The following LMF1 variants were observed in gnomAD, a reference collection of about 807,000 sequenced individuals.
The protein encoded by LMF1 is lipase maturation factor 1.
Under a neutral mutation model 60.6 loss-of-function variants are expected in LMF1, and 68 were observed. That is an observed-to-expected ratio of 1.12 (90% CI 0.92 to 1.37). The LOEUF (loss-of-function observed/expected upper bound fraction) is 1.37, where lower values mean the gene tolerates loss of function less well. Among genes scored for constraint, LMF1 ranks in the 40% most tolerant of loss-of-function variants. The pLI is 0.00. For synonymous variants in LMF1, 418 were observed against 324.7 expected, an observed-to-expected ratio of 1.29 and a Z score of -3.09; for missense variants, 948 against 767.2, an observed-to-expected ratio of 1.24 and a Z score of -2.78.
At chr16:935,816 G>A (rs1472144362) in intron 2 of LMF1, among the ~76,000 whole-genome samples, 4 of 152,174 alleles carry the variant, frequency 2.6e-5, no homozygotes, top group African/African-American at 9.7e-5. Context: ...TACATCGTCC[G>A]ACCTTTGAAT....
chr16:855,963 A>G (rs761503902), intron 10 of LMF1: 5 of 455,814 alleles, frequency 1.1e-5, no homozygotes, highest in South Asian at 7.7e-5. Context: ...TGGGTGTGTG[A>G]TGGATGATGA....
At chr16:896,201 G>A (rs1423202697) in intron 4 of LMF1, among the ~76,000 whole-genome samples, 9 of 107,848 alleles carry the variant, frequency 8.3e-5, no homozygotes, top group Admixed American at 7.6e-4. Flanking sequence ...CCACAGACAC[G>A]CCTTGGAGGG....
chr16:976,487 G>A (rs748615026), intron 1 of LMF1: 71 of 454,112 alleles, frequency 1.6e-4, no homozygotes, highest in Admixed American at 9.4e-5. Context: ...GGCCTCCCTC[G>A]ACGGAAGGTG....
chr16:929,348 G>A (rs1184388046), intron 3 of LMF1, among the ~76,000 whole-genome samples: 3 of 152,216 alleles, frequency 2.0e-5, no homozygotes, highest in East Asian at 1.9e-4. Context: ...CATGGGGGAC[G>A]GGGACCACGC....
rs533701168 is a variant in LMF1 at position 942,500 on chromosome 16, T to A, written c.504-8246A>T. 1.8e-4 allele frequency among the ~76,000 whole-genome samples: 28 copies of A among 152,242 alleles called. No homozygotes were observed. In the South Asian group the frequency reaches 5.8e-3, roughly 32 times the overall value. ...GTGTCCTCTCTCTGTGGGGCTCCAA[T>A]CACAAGTATGTTAGACCACCTGGTG... On this transcript the variant is annotated intron_variant, in intron 2 of 10. Transcript: ENST00000262301.
intron 3 of LMF1, 142 bp from the exon 4 acceptor site, chr16:911,221 T>C: frequency 1.0e-6 from 1 of 958,696 alleles, no homozygotes; most frequent in Non-Finnish European, 1.6e-6. Flanking sequence ...CCGCACGTAT[T>C]AGTCTCAACA....
chr16:978,021 TACAC>T (rs1474402583), intron 1 of LMF1, among the ~76,000 whole-genome samples: 8 of 89,220 alleles, frequency 9.0e-5, no homozygotes, highest in Middle Eastern at 0.013. Flanking sequence ...ACACACATCA[TACAC>T]ACGCACACCA....
intron 9 of LMF1, 144 bp downstream of exon 9, chr16:869,739 G>A (rs2069721029): frequency 1.1e-6 from 1 of 896,694 alleles, no homozygotes; most frequent in Non-Finnish European, 1.7e-6. Flanking sequence ...TGTGGGCTCA[G>A]TTCTCAGCTC....
chr16:895,046 A>C (rs1459834605), intron 4 of LMF1, among the ~76,000 whole-genome samples: 1 of 152,124 alleles, frequency 6.6e-6, no homozygotes, highest in African/African-American at 2.4e-5. Flanking sequence ...AGCAGGGCTG[A>C]GGAGGCCGCG....
At chr16:890,867 C>T (rs1227362393) in intron 5 of LMF1, among the ~76,000 whole-genome samples, 5 of 151,958 alleles carry the variant, frequency 3.3e-5, no homozygotes, top group Non-Finnish European at 7.4e-5. Flanking sequence ...CCTCCGGTGG[C>T]AGTGACACCG....
chr16:964,364 G>T (rs1182103510), intron 1 of LMF1, among the ~76,000 whole-genome samples: 2 of 149,088 alleles, frequency 1.3e-5, no homozygotes, highest in African/African-American at 4.9e-5. Context: ...CAGATAAATT[G>T]TTGTAAGATT....
intron 3 of LMF1, among the ~76,000 whole-genome samples, chr16:912,972 G>A (rs1293830946): frequency 5.3e-5 from 8 of 152,238 alleles, no homozygotes; most frequent in Non-Finnish European, 1.0e-4. Context: ...AAACACCAGC[G>A]CTGCCTGAAG....
At chr16:890,258 C>G (rs980053577) in intron 5 of LMF1, among the ~76,000 whole-genome samples, 1 of 152,220 alleles carries the variant, frequency 6.6e-6, no homozygotes, top group Non-Finnish European at 1.5e-5. Context: ...GCTCGCTACT[C>G]CAGGTACTCG....
At chr16:934,671 A>G (rs961792098) in intron 2 of LMF1, among the ~76,000 whole-genome samples, 1 of 152,276 alleles carries the variant, frequency 6.6e-6, no homozygotes, top group African/African-American at 2.4e-5. Flanking sequence ...AATTGGTGGG[A>G]AAGGCTGGGC....
In LMF1 at chr16:954,026, CCCCAA is replaced by C. The variant is rs1402036615; in HGVS notation, c.503+326_503+330del. Among the ~76,000 whole-genome samples the C allele has an allele frequency of 4.6e-5, 6 of 131,482 alleles. 1 individual carries two copies. Among genetic ancestry groups the C allele is most frequent in the East Asian group, 4.1e-4 (2 of 4,938 alleles). The allele number at this position is 131,482 out of a possible 152,430, so 86.3% of individuals were successfully genotyped here. ...TCCTACACGTCCACACAGACACCCACCCCAAACCAGCCTCCTACACGTCCACACAG... is the reference window on the plus strand; with the variant it reads ...TCCTACACGTCCACACAGACACCCACACCAGCCTCCTACACGTCCACACAG... On this transcript the variant is annotated intron_variant, in intron 2 of 10. Coordinates refer to ENST00000262301, the MANE Select transcript of LMF1 (RefSeq NM_022773.4).
chr16:949,136 G>A lies in LMF1; in HGVS notation c.503+5221C>T, dbSNP rs1363113946. On this transcript the variant is annotated intron_variant, in intron 2 of 10. Coordinates refer to ENST00000262301, the MANE Select transcript of LMF1 (RefSeq NM_022773.4). ...AATGACAGAGTCAGCCAACGACAGA[G>A]TTAGAGACAATGACAGAGTCAGCCA... Among the ~76,000 whole-genome samples the A allele has an allele frequency of 8.6e-5, 13 of 150,324 alleles. 1 individual carries two copies. Among genetic ancestry groups the A allele is most frequent in the African/African-American group, 3.0e-4 (12 of 40,520 alleles).
intron 2 of LMF1, among the ~76,000 whole-genome samples, chr16:953,244 CACAG>C (rs775815176): frequency 1.7e-4 from 14 of 80,558 alleles, no homozygotes; most frequent in African/African-American, 4.6e-4. Context: ...TACATGTCCA[CACAG>C]ACACCCACCC....
chr16:955,704 T>C (rs1247654852), intron 1 of LMF1, among the ~76,000 whole-genome samples: 4 of 152,142 alleles, frequency 2.6e-5, no homozygotes, highest in Non-Finnish European at 4.4e-5. Flanking sequence ...CGCACACACA[T>C]AGAAGTAAAG....
intron 2 of LMF1, among the ~76,000 whole-genome samples, chr16:950,504 G>GCCA (rs1555472586): frequency 9.7e-5 from 8 of 82,076 alleles, no homozygotes; most frequent in East Asian, 3.4e-4. Context: ...CAGAGTCAGA[G>GCCA]ATGACAGAGT....
Sources: gnomAD v4.1 joint callset for allele counts (sites outside exome capture counted in the v4.1 genomes callset) on GRCh38, gnomAD v4.1.1 for gene constraint, MANE v1.5 for transcripts, NCBI Gene and HGNC (gene_info 2026-07-23, HGNC 2026-07-21) for gene names.